DLGAP2: variants seen among roughly 807,000 people sequenced by gnomAD.
DLGAP2 encodes the protein DLG associated protein 2.
A neutral mutation model predicts 100.3 loss-of-function variants in DLGAP2; 26 were observed. That is an observed-to-expected ratio of 0.26 (90% CI 0.19 to 0.36). DLGAP2 has a LOEUF of 0.36. Ranked by LOEUF, DLGAP2 falls within the 10% of genes least tolerant of loss-of-function variation. The pLI is 1.00. For missense variants in DLGAP2, 1,858 were observed against 1,453.2 expected (o/e 1.28, Z -4.53); for synonymous variants, 886 against 630.1 (o/e 1.41, Z -6.08).
At chr8:1,130,793 G>GC (rs892979651) in intron 2 of DLGAP2, among the ~76,000 whole-genome samples, 3 of 152,160 alleles carry the variant, frequency 2.0e-5, no homozygotes, top group African/African-American at 7.2e-5. Context: ...GGCACAGCAC[G>GC]CCCCCAGCTC....
intron 13 of DLGAP2, among the ~76,000 whole-genome samples, 195 bp downstream of exon 13, chr8:1,691,821 A>C (rs1183647158): frequency 6.6e-6 from 1 of 151,254 alleles, no homozygotes; most frequent in African/African-American, 2.4e-5. Context: ...GTACCGAGGC[A>C]GGGAGGCGGA....
intron 6 of DLGAP2, among the ~76,000 whole-genome samples, chr8:1,600,835 G>C (rs1032760180): frequency 6.6e-6 from 1 of 152,078 alleles, no homozygotes; most frequent in Non-Finnish European, 1.5e-5. Flanking sequence ...CTTTAGCTTG[G>C]AGGAGTTTAT....
At chr8:752,883 C>G (rs1464876548) in intron 1 of DLGAP2, among the ~76,000 whole-genome samples, 1 of 152,172 alleles carries the variant, frequency 6.6e-6, no homozygotes, top group East Asian at 1.9e-4. Context: ...CTGGGGTCCT[C>G]AGAGCAGCCT....
At chr8:831,824 C>G (rs1396097635) in intron 1 of DLGAP2, among the ~76,000 whole-genome samples, 1 of 152,108 alleles carries the variant, frequency 6.6e-6, no homozygotes, top group Non-Finnish European at 1.5e-5. Context: ...AATTTACATT[C>G]CCACCAACAG....
At chr8:826,464 C>G (rs1299379912) in intron 1 of DLGAP2, among the ~76,000 whole-genome samples, 2 of 152,154 alleles carry the variant, frequency 1.3e-5, no homozygotes, top group South Asian at 2.1e-4. Flanking sequence ...TTTTGAAGGT[C>G]AAAGCTGAGG....
chr8:1,383,818 G>T (rs114795944), intron 3 of DLGAP2, among the ~76,000 whole-genome samples: 1 of 152,182 alleles, frequency 6.6e-6, no homozygotes, highest in Non-Finnish European at 1.5e-5. Flanking sequence ...AGCTCCCAGC[G>T]AGCACTTTCC....
chr8:780,974 C>G (rs933595549), intron 1 of DLGAP2, among the ~76,000 whole-genome samples: 1 of 152,188 alleles, frequency 6.6e-6, no homozygotes, highest in African/African-American at 2.4e-5. Context: ...TAGCATCTGG[C>G]AATGAATTAC....
intron 1 of DLGAP2, among the ~76,000 whole-genome samples, chr8:778,174 T>G (rs7465508): frequency 0.14 from 20,583 of 152,154 alleles, 1,576 homozygotes; most frequent in East Asian, 0.25. Context: ...ACGTAGTTCT[T>G]GAGCCTTGGT....
At chr8:824,637 T>C (rs1051372690) in intron 1 of DLGAP2, among the ~76,000 whole-genome samples, 1 of 151,716 alleles carries the variant, frequency 6.6e-6, no homozygotes, top group African/African-American at 2.4e-5. Flanking sequence ...ACTGCTGACC[T>C]CCTGGTGGTT....
chr8:1,594,788 A>T lies in DLGAP2; in HGVS notation c.1442+28894A>T, dbSNP rs57868931. ...TAACTGCCAAAAATATAGTTTTTTT[A>T]AAAAAAAGTTAAACATTTTAAAAGT... On this transcript the variant is annotated intron_variant, in intron 6 of 14. Transcript: ENST00000637795. Among the ~76,000 whole-genome samples the T allele has an allele frequency of 2.9e-4, 44 of 152,126 alleles. 1 individual carries two copies. The highest frequency in any genetic ancestry group is 6.3e-4 in the African/African-American group (26 of 41,490).
intron 2 of DLGAP2, among the ~76,000 whole-genome samples, chr8:989,289 T>C (rs1800581588): frequency 6.6e-6 from 1 of 152,084 alleles, no homozygotes; most frequent in African/African-American, 2.4e-5. Flanking sequence ...ACCCACATCC[T>C]AACCTCCTCT....
intron 3 of DLGAP2, among the ~76,000 whole-genome samples, chr8:1,467,619 T>C (rs1175784368): frequency 6.6e-6 from 1 of 152,104 alleles, no homozygotes; most frequent in Non-Finnish European, 1.5e-5. Flanking sequence ...TCGTGTCAAG[T>C]GGACAGACTG....
intron 6 of DLGAP2, among the ~76,000 whole-genome samples, chr8:1,577,590 AT>A (rs1803039831): frequency 6.7e-6 from 1 of 149,858 alleles, no homozygotes. Flanking sequence ...AAAAAAAAAA[AT>A]TTAAAGCAAG....
intron 10 of DLGAP2, among the ~76,000 whole-genome samples, chr8:1,674,996 C>G (rs545467856): frequency 1.3e-5 from 2 of 152,212 alleles, no homozygotes; most frequent in East Asian, 1.9e-4. Context: ...ACACTAGAAA[C>G]GGGAATGGTA....
intron 2 of DLGAP2, among the ~76,000 whole-genome samples, chr8:939,966 G>C (rs1176675450): frequency 6.6e-6 from 1 of 151,922 alleles, no homozygotes; most frequent in Non-Finnish European, 1.5e-5. Flanking sequence ...TCCTGAGAGC[G>C]CACACCAGGC....
chr8:1,211,713 T>C (rs1450218663), intron 2 of DLGAP2, among the ~76,000 whole-genome samples: 3 of 152,086 alleles, frequency 2.0e-5, no homozygotes, highest in African/African-American at 7.2e-5. Flanking sequence ...CTGTCTCTAC[T>C]AAAAATACAA....
At chr8:1,502,796 A>G (rs1177051909) in intron 4 of DLGAP2, among the ~76,000 whole-genome samples, 1 of 152,182 alleles carries the variant, frequency 6.6e-6, no homozygotes, top group Admixed American at 6.5e-5. Context: ...TCTCTGGACA[A>G]TGTTAATGTC....
chr8:1,475,344 C>A (rs1464502593), intron 3 of DLGAP2, among the ~76,000 whole-genome samples: 2 of 152,094 alleles, frequency 1.3e-5, no homozygotes, highest in African/African-American at 4.8e-5. Context: ...GCCGGGGGAG[C>A]AGGTTTTAGC....
At chr8:1,426,240 T>C (rs1342330960) in intron 3 of DLGAP2, among the ~76,000 whole-genome samples, 2 of 152,058 alleles carry the variant, frequency 1.3e-5, no homozygotes, top group African/African-American at 4.8e-5. Flanking sequence ...CAGAGGCAGA[T>C]GTAAGTTAAG....
Sources: allele counts gnomAD v4.1 joint callset (sites outside exome capture counted in the v4.1 genomes callset), GRCh38; gene constraint gnomAD v4.1.1; transcripts MANE v1.5; gene names NCBI Gene and HGNC (gene_info 2026-07-23, HGNC 2026-07-21).